Variants in IL31RA observed in about 807,000 individuals in gnomAD.
The protein encoded by IL31RA is interleukin-31 receptor subunit alpha.
A neutral mutation model predicts 83.7 loss-of-function variants in IL31RA; 66 were observed. The ratio of observed to expected loss-of-function variants is 0.79; its 90% CI spans 0.65 to 0.97. The LOEUF (loss-of-function observed/expected upper bound fraction) is 0.97. Among genes scored for constraint, IL31RA ranks in the 50% least tolerant of loss-of-function variants. IL31RA has a pLI of 0.00. For missense variants in IL31RA, 798 were observed against 919.4 expected (o/e 0.87, Z 1.71); for synonymous variants, 325 against 329.0 (o/e 0.99, Z 0.13).
chr5:55,846,348 T>C, the IL31RA span, among the ~76,000 whole-genome samples: 1 of 152,240 alleles, frequency 6.6e-6, no homozygotes, highest in South Asian at 2.1e-4. Flanking sequence ...TTTTATATTC[T>C]GATGCGTATT....
chr5:55,873,374 A>G (rs1439537977), intron 4 of IL31RA, among the ~76,000 whole-genome samples: 2 of 152,102 alleles, frequency 1.3e-5, no homozygotes, highest in South Asian at 2.1e-4. Context: ...GAATATTTGT[A>G]TACAATTTTT....
intron 2 of IL31RA, among the ~76,000 whole-genome samples, chr5:55,859,861 G>C (rs1402743493): frequency 6.6e-6 from 1 of 152,180 alleles, no homozygotes; most frequent in East Asian, 1.9e-4. Flanking sequence ...GAGATCTACT[G>C]TTTTAGAATA....
chr5:55,875,456 A>G (rs1008147622), intron 4 of IL31RA, among the ~76,000 whole-genome samples: 1 of 152,126 alleles, frequency 6.6e-6, no homozygotes, highest in Non-Finnish European at 1.5e-5. Flanking sequence ...AAACCTGTCA[A>G]TAGATTTCCT....
rs186663707 is a variant in IL31RA, at chr5:55,892,898, C to T, written c.772+2763C>T. Among the ~76,000 whole-genome samples the T allele has an allele frequency of 4.6e-5, 7 of 152,284 alleles. No homozygotes were observed. The East Asian group carries it at 1.3e-3, about 29-fold the overall frequency. On this transcript the variant is annotated intron_variant, in intron 6 of 14. Coordinates refer to ENST00000652347, the MANE Select transcript of IL31RA (RefSeq NM_139017.7). ...ACCACTAGAGAACTTTTGCTTTTGT[C>T]CTTCTTCATTTTTTCAGGATCCCAG...
chr5:55,912,085 C>T (rs1749532806), intron 12 of IL31RA, among the ~76,000 whole-genome samples: 1 of 152,076 alleles, frequency 6.6e-6, no homozygotes, highest in African/African-American at 2.4e-5. Flanking sequence ...GGAGTTTTCT[C>T]CAAGGGTTAA....
At chr5:55,908,189 G>T in intron 10 of IL31RA, 76 bp from the exon 11 acceptor site, 1 of 1,604,406 alleles carries the variant, frequency 6.2e-7, no homozygotes, top group East Asian at 2.2e-5. Context: ...TCTGAGTACT[G>T]GCCAGGGCCT....
intron 9 of IL31RA, 58 bp from the exon 10 acceptor site, chr5:55,907,301 T>C (rs1263823152): frequency 1.0e-6 from 1 of 983,108 alleles, no homozygotes; most frequent in African/African-American, 1.6e-5. Flanking sequence ...CTTAGTCTAG[T>C]ATTCCCCCCA....
intron 8 of IL31RA, among the ~76,000 whole-genome samples, chr5:55,901,773 A>G (rs917041580): frequency 2.0e-5 from 3 of 151,718 alleles, no homozygotes; most frequent in African/African-American, 4.8e-5. Flanking sequence ...GTGCCACCAC[A>G]CCAGGCTCAT....
intron 2 of IL31RA, among the ~76,000 whole-genome samples, chr5:55,867,108 TGTGC>T (rs1746112067): frequency 1.5e-5 from 2 of 130,640 alleles, no homozygotes; most frequent in Non-Finnish European, 1.6e-5. Flanking sequence ...TTTGTGTGTG[TGTGC>T]ATGTGTGTGT....
At chr5:55,902,459 C>CAAAAAAAA (rs59506009) in intron 8 of IL31RA, 36 of 100,632 alleles carry the variant, frequency 3.6e-4, no homozygotes, top group African/African-American at 7.9e-4. Flanking sequence ...CTTGTTTCTA[C>CAAAAAAAA]AAAAAAAAAA....
chr5:55,853,427 C>T, intron 1 of IL31RA: 3 of 1,488,448 alleles, frequency 2.0e-6, no homozygotes, highest in Non-Finnish European at 2.7e-6. Context: ...AGAGTGGAAA[C>T]ACTCCCACAT....
At position 55,908,252 on chromosome 5, in the gene IL31RA, C is replaced by T; in HGVS notation, c.1355-13C>T. The T allele has an allele frequency of 6.2e-7, 1 of 1,614,048 alleles. No homozygotes were observed. The highest frequency in any genetic ancestry group is 1.7e-5 in the Admixed American group (1 of 60,032). On this transcript the variant is annotated splice_polypyrimidine_tract_variant and intron_variant, in intron 10 of 14. Coordinates refer to ENST00000652347, the MANE Select transcript of IL31RA (RefSeq NM_139017.7). ...GGTTCAGTGATTATCATTTATCCCTCTGTCCTTTCCAGTTCCATCAGAAGG... is the reference window on the plus strand; with the variant it reads ...GGTTCAGTGATTATCATTTATCCCTTTGTCCTTTCCAGTTCCATCAGAAGG...
At chr5:55,895,850 G>C (rs1047782167) in intron 6 of IL31RA, among the ~76,000 whole-genome samples, 2 of 152,122 alleles carry the variant, frequency 1.3e-5, no homozygotes, top group African/African-American at 4.8e-5. Flanking sequence ...AGCTCAAGGA[G>C]GGACCTAGTG....
At position 55,922,090 on chromosome 5, in the gene IL31RA, A is replaced by T. The variant is rs958212430; in HGVS notation, c.*4970A>T. On this transcript the variant is annotated 3_prime_UTR_variant, in exon 15 of 15. Transcript: ENST00000652347. ...GGCGGTTCCTGAAGAGTGGAGTGTGACTAAGGATAACAGCAGTCCTCATTT... is the reference window on the plus strand; with the variant it reads ...GGCGGTTCCTGAAGAGTGGAGTGTGTCTAAGGATAACAGCAGTCCTCATTT... Among the ~76,000 whole-genome samples, 7 of 132,188 alleles carry T rather than the reference A, an allele frequency of 5.3e-5. No individual in the cohort carries two copies. Among genetic ancestry groups the T allele is most frequent in the African/African-American group, 2.0e-4 (7 of 35,222 alleles). 86.7% of individuals were successfully genotyped at this position (132,188 alleles called of 152,430 possible).
chr5:55,864,202 G>A (rs1395108683), intron 2 of IL31RA, among the ~76,000 whole-genome samples: 5 of 152,040 alleles, frequency 3.3e-5, no homozygotes, highest in Non-Finnish European at 5.9e-5. Context: ...GAGTATGAGC[G>A]AAATGGGGGT....
intron 11 of IL31RA, 198 bp downstream of exon 11, chr5:55,908,609 G>A (rs752134688): frequency 1.1e-5 from 17 of 1,550,498 alleles, no homozygotes; most frequent in Middle Eastern, 3.3e-4. Flanking sequence ...TGAGAGTGAA[G>A]TGACAGTACC....
At position 55,908,325 on chromosome 5, in the gene IL31RA, C is replaced by T; in HGVS notation, c.1415C>T (p.Thr472Ile). The T allele has an allele frequency of 6.2e-7, 1 of 1,614,164 alleles. No homozygotes were observed. ...ATTGGCGTGAAGACGGTCACGATCA[C>T]ATGGAAAGAGATTCCCAAGAGTGAG... ...ENIGVKTVTITWKEIPKSERK... is the reference protein window; with the variant it reads ...ENIGVKTVTIIWKEIPKSERK... The change falls in exon 11 of 15, where the codon ACA becomes ATA. Residue 472 changes from threonine to isoleucine, a missense_variant. Physicochemically the swap from Thr to Ile is moderately conservative, Grantham distance 89 (BLOSUM62 -1). Transcript: ENST00000652347.
chr5:55,901,519 C>T (rs972991978), intron 8 of IL31RA, among the ~76,000 whole-genome samples: 4 of 151,928 alleles, frequency 2.6e-5, no homozygotes, highest in African/African-American at 9.7e-5. Context: ...CCTCACAGAG[C>T]TGTAGTGAAG....
At position 55,918,015 on chromosome 5, in the gene IL31RA, C is replaced by T. The variant is rs551769274; in HGVS notation, c.*895C>T. Among the ~76,000 whole-genome samples, 1 of 152,334 alleles carries T rather than the reference C, an allele frequency of 6.6e-6. No homozygotes were observed. The highest frequency in any genetic ancestry group is 2.4e-5 in the African/African-American group (1 of 41,566). The stretch of plus-strand genomic sequence containing the variant: ...CAGCAGGGCAGGGCCTGGGAACATG[C>T]AATGCCTAGCAAATTTGCAGCCCCA... On this transcript the variant is annotated 3_prime_UTR_variant, in exon 15 of 15. Transcript: ENST00000652347.
Sources: allele counts gnomAD v4.1 joint callset (sites outside exome capture counted in the v4.1 genomes callset), GRCh38; gene constraint gnomAD v4.1.1; transcripts MANE v1.5; gene names NCBI Gene and HGNC (gene_info 2026-07-23, HGNC 2026-07-21).